C12orf76: variants seen among roughly 807,000 people sequenced by gnomAD.
C12orf76 encodes the protein chromosome 12 open reading frame 76, also known as uncharacterized protein C12orf76.
Under a neutral mutation model 6.8 loss-of-function variants are expected in C12orf76, and 6 were observed. The ratio of observed to expected loss-of-function variants is 0.88; its 90% CI spans 0.48 to 1.73. C12orf76 has a LOEUF of 1.73. Ranked by LOEUF, C12orf76 falls within the 40% of genes most tolerant of loss-of-function variation. C12orf76 has a pLI of 0.01. For missense variants in C12orf76, 99 were observed against 98.2 expected, an observed-to-expected ratio of 1.01 and a Z score of -0.03; for synonymous variants, 56 against 43.7, an observed-to-expected ratio of 1.28 and a Z score of -1.11.
intron 4 of C12orf76, among the ~76,000 whole-genome samples, chr12:110,056,285 T>G (rs1349730238): frequency 6.6e-6 from 1 of 152,034 alleles, no homozygotes; most frequent in Non-Finnish European, 1.5e-5. Context: ...CCCTTCCAGG[T>G]GTTAGGTTTA....
At chr12:110,061,161 A>C (rs936623996) in intron 2 of C12orf76, among the ~76,000 whole-genome samples, 3 of 151,554 alleles carry the variant, frequency 2.0e-5, no homozygotes, top group Non-Finnish European at 4.4e-5. Context: ...ATCTACATGC[A>C]TATGTTCCAT....
At chr12:110,069,173 C>G (rs1382670711), upstream of C12orf76, among the ~76,000 whole-genome samples, 4 of 152,126 alleles carry the variant, frequency 2.6e-5, no homozygotes, top group Non-Finnish European at 4.4e-5. Context: ...AGGCACGGTG[C>G]CTCACGCCTG....
intron 1 of C12orf76, among the ~76,000 whole-genome samples, chr12:110,045,690 G>A (rs1439015854): frequency 3.3e-5 from 5 of 152,210 alleles, no homozygotes; most frequent in Non-Finnish European, 5.9e-5. Flanking sequence ...CAGGCGCAGC[G>A]GCTCACACCT....
At chr12:110,058,563 G>C (rs1468629902) in intron 3 of C12orf76, among the ~76,000 whole-genome samples, 1 of 152,196 alleles carries the variant, frequency 6.6e-6, no homozygotes, top group Non-Finnish European at 1.5e-5. Context: ...TACTTGGGAG[G>C]CTGAGGCAGG....
At chr12:110,066,014 C>A (rs918978980) in exon 2 of C12orf76, 45 of 1,598,652 alleles carry the variant, frequency 2.8e-5, no homozygotes, top group Admixed American at 3.4e-5. Flanking sequence ...TCTGACCTCC[C>A]CCTCAAGCTC....
At chr12:110,061,895 A>G (rs1892777847) in intron 2 of C12orf76, among the ~76,000 whole-genome samples, 1 of 152,096 alleles carries the variant, frequency 6.6e-6, no homozygotes, top group East Asian at 1.9e-4. Context: ...GTTCAATCTC[A>G]GCTCTACCAC....
intron 3 of C12orf76, chr12:110,058,892 AT>A (rs1892721646): frequency 7.4e-7 from 1 of 1,358,552 alleles, no homozygotes; most frequent in Non-Finnish European, 9.8e-7. Context: ...TTCTAAGTCT[AT>A]TTTGCTGACA....
chr12:110,053,371 C>T (rs373336344), upstream of C12orf76, among the ~76,000 whole-genome samples: 86 of 151,634 alleles, frequency 5.7e-4, no homozygotes, highest in South Asian at 0.016. Flanking sequence ...TGGTGGTGTG[C>T]ACCTATAATC....
At chr12:110,069,216 G>A (rs1247312650), upstream of C12orf76, among the ~76,000 whole-genome samples, 1 of 152,136 alleles carries the variant, frequency 6.6e-6, no homozygotes, top group Non-Finnish European at 1.5e-5. Context: ...CAAGGCGGGC[G>A]GATCACGAGG....
intron 1 of C12orf76, among the ~76,000 whole-genome samples, chr12:110,045,468 C>T (rs1012493929): frequency 1.3e-5 from 2 of 152,072 alleles, no homozygotes; most frequent in Non-Finnish European, 2.9e-5. Flanking sequence ...CACCTGTAAT[C>T]CCAGCTACTC....
intron 1 of C12orf76, among the ~76,000 whole-genome samples, chr12:110,067,052 GGAAAA>G (rs1220897339): frequency 6.6e-6 from 1 of 152,200 alleles, no homozygotes; most frequent in Non-Finnish European, 1.5e-5. Flanking sequence ...TGTGGCCATT[GGAAAA>G]GCTTCTGTGA....
At chr12:110,068,300 AGAAG>A (rs1566080180), upstream of C12orf76, among the ~76,000 whole-genome samples, 1 of 146,546 alleles carries the variant, frequency 6.8e-6, no homozygotes, top group Non-Finnish European at 1.5e-5. Flanking sequence ...AAGAAGAAGA[AGAAG>A]AAGAAGAAGA....
intron 2 of C12orf76, among the ~76,000 whole-genome samples, chr12:110,064,114 G>C (rs1383729679): frequency 6.6e-6 from 1 of 152,162 alleles, no homozygotes; most frequent in Admixed American, 6.5e-5. Context: ...AGTCTGCAGA[G>C]GAACAGAGTG....
At chr12:110,065,256 C>T (rs1361499336) in intron 2 of C12orf76, among the ~76,000 whole-genome samples, 21 of 151,712 alleles carry the variant, frequency 1.4e-4, no homozygotes, top group African/African-American at 4.4e-4. Context: ...CTGCAACCTC[C>T]GCCTCCTGGA....
chr12:110,060,235 C>A (rs772820097), intron 2 of C12orf76, among the ~76,000 whole-genome samples: 1 of 151,872 alleles, frequency 6.6e-6, no homozygotes, highest in Non-Finnish European at 1.5e-5. Flanking sequence ...TCCAAAATAC[C>A]CCCTCTTCAA....
chr12:110,068,902 C>G (rs140732052), upstream of C12orf76, among the ~76,000 whole-genome samples: 20 of 152,306 alleles, frequency 1.3e-4, no homozygotes, highest in East Asian at 2.5e-3. Context: ...TTGGTATACC[C>G]GCTACACAGA....
chr12:110,071,270 G>C (rs1892957437), upstream of C12orf76, among the ~76,000 whole-genome samples: 5 of 152,112 alleles, frequency 3.3e-5, no homozygotes, highest in African/African-American at 7.2e-5. Flanking sequence ...TTTTACAGAT[G>C]AGGAAACCAA....
chr12:110,060,658 C>T (rs187502910), intron 2 of C12orf76, among the ~76,000 whole-genome samples: 1 of 152,186 alleles, frequency 6.6e-6, no homozygotes, highest in Non-Finnish European at 1.5e-5. Flanking sequence ...GGCCCTCTTG[C>T]TTTCTCATCT....
At chr12:110,048,707 G>A (rs1892519365), upstream of C12orf76, 1 of 1,220,378 alleles carries the variant, frequency 8.2e-7, no homozygotes, top group Non-Finnish European at 1.0e-6. Context: ...CCAACTTTCC[G>A]TTCAGATCAA....
Sources: allele counts gnomAD v4.1 joint callset (sites outside exome capture counted in the v4.1 genomes callset), GRCh38; gene constraint gnomAD v4.1.1; transcripts MANE v1.5; gene names NCBI Gene and HGNC (gene_info 2026-07-23, HGNC 2026-07-21).